Variants in ITGA8 observed in about 807,000 individuals in gnomAD.
ITGA8 encodes integrin subunit alpha 8, also known as integrin alpha-8.
In ITGA8, 91 loss-of-function variants were observed where a neutral mutation model predicts 142.3. The observed-to-expected ratio is 0.64, with a 90% CI of 0.54 to 0.76. ITGA8 has a LOEUF of 0.76. Among genes scored for constraint, ITGA8 ranks in the 30% least tolerant of loss-of-function variants. The pLI is 0.00. For synonymous variants in ITGA8, 505 were observed against 485.2 expected (o/e 1.04, Z -0.54); for missense variants, 1,406 against 1,327.7 (o/e 1.06, Z -0.92).
chr10:15,675,909 G>A (rs1834620961), intron 6 of ITGA8, among the ~76,000 whole-genome samples: 3 of 152,178 alleles, frequency 2.0e-5, no homozygotes, highest in Admixed American at 6.5e-5. Context: ...CATTGCTATG[G>A]TAAATTTTCA....
chr10:15,669,930 G>C (rs1319303454), intron 8 of ITGA8, among the ~76,000 whole-genome samples: 4 of 152,120 alleles, frequency 2.6e-5, no homozygotes, highest in African/African-American at 9.7e-5. Context: ...GCTACTGGGG[G>C]GTCCTTCCCA....
chr10:15,714,236 T>A (rs547171579), intron 2 of ITGA8, among the ~76,000 whole-genome samples: 1 of 152,224 alleles, frequency 6.6e-6, no homozygotes, highest in Non-Finnish European at 1.5e-5. Context: ...TTCTCCCTTT[T>A]AGCAGAAGGG....
intron 17 of ITGA8, among the ~76,000 whole-genome samples, chr10:15,606,757 AC>A (rs1408169581): frequency 6.6e-6 from 1 of 152,154 alleles, no homozygotes; most frequent in East Asian, 1.9e-4. Flanking sequence ...GTCACAAAAA[AC>A]ATCATGAATT....
At chr10:15,564,420 C>G (rs773288987) in intron 25 of ITGA8, among the ~76,000 whole-genome samples, 5 of 152,246 alleles carry the variant, frequency 3.3e-5, no homozygotes, top group Non-Finnish European at 7.3e-5. Context: ...CCATGATAGG[C>G]AGACAGTTCC....
At chr10:15,669,978 G>A (rs189729090) in intron 8 of ITGA8, among the ~76,000 whole-genome samples, 3 of 152,292 alleles carry the variant, frequency 2.0e-5, no homozygotes, top group African/African-American at 4.8e-5. Context: ...ACTTGAGGAG[G>A]CAGTCTGCCC....
At chr10:15,580,145 A>G (rs1403227316) in intron 23 of ITGA8, among the ~76,000 whole-genome samples, 1 of 150,508 alleles carries the variant, frequency 6.6e-6, no homozygotes, top group African/African-American at 2.4e-5. Flanking sequence ...AAAAAAAAAA[A>G]AAGAGAAAAG....
At chr10:15,684,167 A>G in intron 3 of ITGA8, 40 bp from the exon 4 acceptor site, 1 of 1,590,028 alleles carries the variant, frequency 6.3e-7, no homozygotes, top group Non-Finnish European at 8.5e-7. Flanking sequence ...TTTTTGATGT[A>G]GGTTTCTCAT....
chr10:15,631,244 C>T (rs1299994122), intron 13 of ITGA8, among the ~76,000 whole-genome samples: 4 of 151,904 alleles, frequency 2.6e-5, no homozygotes, highest in African/African-American at 4.9e-5. Flanking sequence ...ATAAATCATT[C>T]TACTATAAAG....
intron 3 of ITGA8, among the ~76,000 whole-genome samples, chr10:15,684,693 T>G (rs1361573969): frequency 6.6e-6 from 1 of 152,150 alleles, no homozygotes; most frequent in African/African-American, 2.4e-5. Context: ...TTAAATTTTT[T>G]TTTTTTGCCC....
chr10:15,645,726 C>G (rs1165449218), intron 12 of ITGA8, among the ~76,000 whole-genome samples: 2 of 152,142 alleles, frequency 1.3e-5, no homozygotes, highest in Non-Finnish European at 2.9e-5. Flanking sequence ...TGAGTTCAAT[C>G]AAGAAATTCA....
rs1006370813 is a variant in ITGA8 at position 15,702,416 on chromosome 10, G to A, written c.344-14378C>T. On this transcript the variant is annotated intron_variant, in intron 2 of 29. Transcript: ENST00000378076. ...AGCGATTCTCCTGCCTCAGCCTCCC[G>A]AGTACCTGGGATTACAGGTGGCCCC... Among the ~76,000 whole-genome samples, 7 of 151,764 alleles carry A rather than the reference G, an allele frequency of 4.6e-5. No homozygotes were observed. In the South Asian group the frequency reaches 6.2e-4, roughly 14 times the overall value.
At chr10:15,579,048 A>G (rs1444631787) in intron 23 of ITGA8, among the ~76,000 whole-genome samples, 2 of 152,172 alleles carry the variant, frequency 1.3e-5, no homozygotes, top group Non-Finnish European at 2.9e-5. Context: ...GATAAATTAC[A>G]TCAGAATAAA....
At chr10:15,708,225 A>G (rs1835297816) in intron 2 of ITGA8, among the ~76,000 whole-genome samples, 1 of 152,160 alleles carries the variant, frequency 6.6e-6, no homozygotes, top group African/African-American at 2.4e-5. Flanking sequence ...CTTAGATGAC[A>G]TTTTTATAAG....
chr10:15,703,631 G>A (rs1477294380), intron 2 of ITGA8, among the ~76,000 whole-genome samples: 6 of 152,158 alleles, frequency 3.9e-5, no homozygotes, highest in African/African-American at 9.7e-5. Flanking sequence ...GACACACAGA[G>A]CTGGTTACAG....
In ITGA8 at chr10:15,687,926, G is replaced by T. The variant is rs763916580; in HGVS notation, c.444+12C>A. 39 of 1,537,540 alleles carry T rather than the reference G, an allele frequency of 2.5e-5. No homozygotes were observed. The highest frequency in any genetic ancestry group is 6.7e-5 in the Admixed American group (4 of 59,866). ...TCCAAAGCAGCAGCACAAGCCCACG[G>T]CTCATACTCACCACAACTTTTCCTT... On this transcript the variant is annotated intron_variant, in intron 3 of 29. Transcript: ENST00000378076.
intron 13 of ITGA8, among the ~76,000 whole-genome samples, chr10:15,640,633 T>C (rs1381337667): frequency 6.6e-6 from 1 of 152,154 alleles, no homozygotes; most frequent in East Asian, 1.9e-4. Flanking sequence ...ATCACAAGAC[T>C]GCAGCTCAAT....
At chr10:15,550,096 T>C (rs1833767964) in intron 26 of ITGA8, among the ~76,000 whole-genome samples, 1 of 152,220 alleles carries the variant, frequency 6.6e-6, no homozygotes, top group Admixed American at 6.5e-5. Context: ...ACTGTTCTCA[T>C]GGCAGTGAAT....
intron 2 of ITGA8, among the ~76,000 whole-genome samples, chr10:15,717,985 T>C (rs1835484966): frequency 6.6e-6 from 1 of 152,270 alleles, no homozygotes; most frequent in Non-Finnish European, 1.5e-5. Context: ...TATTCGCATT[T>C]TTCTGGAAAG....
At chr10:15,638,695 T>C (rs990929761) in intron 13 of ITGA8, among the ~76,000 whole-genome samples, 1 of 152,236 alleles carries the variant, frequency 6.6e-6, no homozygotes, top group Non-Finnish European at 1.5e-5. Flanking sequence ...GCATTTTAAA[T>C]GTTTGTTTTT....
Sources: gnomAD v4.1 joint callset for allele counts (sites outside exome capture counted in the v4.1 genomes callset) on GRCh38, gnomAD v4.1.1 for gene constraint, MANE v1.5 for transcripts, NCBI Gene and HGNC (gene_info 2026-07-23, HGNC 2026-07-21) for gene names.